The following USF3 variants were observed in gnomAD, a reference collection of about 807,000 sequenced individuals.
USF3 encodes upstream transcription factor family member 3.
In USF3, 29 loss-of-function variants were observed where a neutral mutation model predicts 157.5. The observed-to-expected ratio is 0.18, with a 90% CI of 0.14 to 0.25. The LOEUF is 0.25. USF3 is among the 10% of genes least tolerant of loss of function. The pLI is 1.00. For synonymous variants in USF3, 893 were observed against 941.4 expected (o/e 0.95, Z 0.94); for missense variants, 2,381 against 2,667.6 (o/e 0.89, Z 2.37).
At chr3:113,687,842 A>G (rs1707593459) in intron 1 of USF3, among the ~76,000 whole-genome samples, 1 of 152,250 alleles carries the variant, frequency 6.6e-6, no homozygotes, top group East Asian at 1.9e-4. Flanking sequence ...CCAAGGGCTT[A>G]GCACAATACA....
rs1379901349 is a variant in USF3, at chr3:113,658,955, G to C, written c.2727C>G (p.Ser909=). ...GTTGTAGATTAGGGGTAGAATCTTTGGATTTTGCTGCGGCCATTGCAAAAT... is the reference window on the plus strand; with the variant it reads ...GTTGTAGATTAGGGGTAGAATCTTTCGATTTTGCTGCGGCCATTGCAAAAT... The part of the protein sequence containing the change: ...SEHFAMAAAK[S]KDSTPNLQQE... Residue 909 remains serine, a synonymous_variant, in exon 7 of 7, where the codon TCC becomes TCG. Coordinates refer to ENST00000316407, the MANE Select transcript of USF3 (RefSeq NM_001009899.4). 10 of 1,614,022 alleles carry C rather than the reference G, an allele frequency of 6.2e-6. No individual in the cohort carries two copies. The highest frequency in any genetic ancestry group is 8.5e-6 in the Non-Finnish European group (10 of 1,180,034).
At chr3:113,674,762 T>C (rs1016310128) in intron 3 of USF3, 70 bp downstream of exon 3, 15 of 1,251,258 alleles carry the variant, frequency 1.2e-5, no homozygotes, top group Non-Finnish European at 1.6e-5. Flanking sequence ...ACTACCTATG[T>C]AGCAAAATAG....
rs752290845 is a variant in USF3, at chr3:113,660,433, T to C, written c.1249A>G (p.Ile417Val). Residue 417 changes from isoleucine (I) to valine (V), a missense_variant, in exon 7 of 7, where the codon ATT becomes GTT. By Grantham distance (29) the Ile-to-Val change is conservative. Transcript: ENST00000316407. Reference protein sequence around the residue: ...SSVSTSDLKNINSLTRISSAG... With the variant: ...SSVSTSDLKNVNSLTRISSAG... ...GAAGAGATTCGTGTAAGGCTATTAA[T>C]GTTTTTCAAATCTGAAGTACTAACA... 6.2e-7 allele frequency: 1 copy of C among 1,614,190 alleles called. No homozygotes were observed. Among genetic ancestry groups the C allele is most frequent in the Non-Finnish European group, 8.5e-7 (1 of 1,180,012 alleles).
chr3:113,675,318 C>T (rs978460396), intron 2 of USF3, among the ~76,000 whole-genome samples: 2 of 151,368 alleles, frequency 1.3e-5, no homozygotes, highest in African/African-American at 4.9e-5. Flanking sequence ...ACTCTGAACA[C>T]AAAAAAAACA....
intron 1 of USF3, among the ~76,000 whole-genome samples, chr3:113,691,754 A>T (rs964815231): frequency 1.3e-5 from 2 of 152,110 alleles, no homozygotes; most frequent in African/African-American, 4.8e-5. Context: ...AGCCAAATTC[A>T]ATCTCTATTG....
chr3:113,667,564 C>T (rs1342136190), intron 5 of USF3, among the ~76,000 whole-genome samples: 4 of 152,122 alleles, frequency 2.6e-5, no homozygotes, highest in African/African-American at 9.7e-5. Flanking sequence ...ACAGAAAGCA[C>T]AATTTTTAAA....
chr3:113,692,349 T>G (rs13080660), intron 1 of USF3, among the ~76,000 whole-genome samples: 1 of 152,194 alleles, frequency 6.6e-6, no homozygotes, highest in African/African-American at 2.4e-5. Context: ...CATTACTGAG[T>G]GCTAATTATT....
chr3:113,664,939 T>C (rs1480274114), intron 5 of USF3, among the ~76,000 whole-genome samples: 1 of 152,190 alleles, frequency 6.6e-6, no homozygotes, highest in African/African-American at 2.4e-5. Context: ...GGAAGTGGGT[T>C]ATCACCAGGA....
chr3:113,690,855 T>C (rs1170287296), intron 1 of USF3, among the ~76,000 whole-genome samples: 1 of 152,188 alleles, frequency 6.6e-6, no homozygotes, highest in Non-Finnish European at 1.5e-5. Context: ...CATATATTAT[T>C]AATCCCTCCT....
At chr3:113,681,921 A>G (rs1371940399) in intron 1 of USF3, among the ~76,000 whole-genome samples, 1 of 151,844 alleles carries the variant, frequency 6.6e-6, no homozygotes, top group East Asian at 1.9e-4. Flanking sequence ...GGGTTTCACC[A>G]TGTTGGCCAG....
At chr3:113,666,248 C>CTTTTTTTT (rs1232834885) in intron 5 of USF3, among the ~76,000 whole-genome samples, 9 of 101,756 alleles carry the variant, frequency 8.8e-5, no homozygotes, top group Admixed American at 2.3e-4. Context: ...AGACATCTTT[C>CTTTTTTTT]TTTTTTTTTT....
intron 3 of USF3, among the ~76,000 whole-genome samples, chr3:113,673,779 C>T (rs900148221): frequency 2.0e-5 from 3 of 152,164 alleles, no homozygotes; most frequent in Admixed American, 2.0e-4. Context: ...TGTGCGTGTG[C>T]AGGAGACACA....
Position 113,656,007 on chromosome 3 carries a change from G to T in USF3, c.5675C>A (p.Thr1892Asn). The T allele has an allele frequency of 6.2e-7, 1 of 1,614,158 alleles. No homozygotes were observed. Among genetic ancestry groups the T allele is most frequent in the South Asian group, 1.1e-5 (1 of 91,078 alleles). Residue 1892 changes from threonine (T) to asparagine (N), a missense_variant, in exon 7 of 7, where the codon ACC becomes AAC. Thr to Asn is a moderately conservative substitution (Grantham distance 65). Coordinates refer to ENST00000316407, the MANE Select transcript of USF3 (RefSeq NM_001009899.4). ...GGAACTTGAAAAAGGAATATTCAAG[G>T]TGCTGTTCCTGGTGTTAATTGCACC... ...SLGAINTRNS[T>N]LNIPFSSSSS...
chr3:113,670,279 G>A, intron 4 of USF3, 76 bp from the exon 5 acceptor site: 2 of 840,116 alleles, frequency 2.4e-6, no homozygotes, highest in South Asian at 2.7e-5. Flanking sequence ...CGGTAAAGAA[G>A]TTTTAGGTAA....
Position 113,665,264 on chromosome 3 carries a change from T to C in USF3, c.160-855A>G, listed in dbSNP as rs896615606. ...GGTAAGGAGGTGAGCGGAGCTACAG[T>C]GGAGTACATGTGGGAAGAGTAGTAG... is the stretch of plus-strand genomic sequence containing the variant. On this transcript the variant is annotated intron_variant, in intron 5 of 6. Coordinates refer to ENST00000316407, the MANE Select transcript of USF3 (RefSeq NM_001009899.4). Among the ~76,000 whole-genome samples, 7 of 152,228 alleles carry C rather than the reference T, an allele frequency of 4.6e-5. No individual in the cohort carries two copies. In the South Asian group the frequency reaches 6.2e-4, roughly 14 times the overall value.
chr3:113,660,844 A>C lies in USF3; in HGVS notation c.838T>G (p.Ser280Ala). Residue 280 changes from serine (S) to alanine (A), a missense_variant, in exon 7 of 7, where the codon TCT becomes GCT. Transcript: ENST00000316407. ...TCTTGTCCATTCTTATTTTCAGAAG[A>C]ATTTTGATCATTTAGGCATGTGTGC... ...SLHTCLNDQN[S>A]SENKNGQENP... 6.2e-7 allele frequency: 1 copy of C among 1,614,126 alleles called. No homozygotes were observed. Among genetic ancestry groups the C allele is most frequent in the Non-Finnish European group, 8.5e-7 (1 of 1,180,010 alleles).
chr3:113,651,563 C>T lies in USF3; in HGVS notation c.*3381G>A, dbSNP rs1331783577. 6.6e-6 allele frequency: 1 copy of T among 152,182 alleles called. No individual in the cohort carries two copies. Among genetic ancestry groups the T allele is most frequent in the African/African-American group, 2.4e-5 (1 of 41,442 alleles). The allele number at this position is 152,182 out of a possible 1,614,324, so 9.4% of individuals were successfully genotyped here. A position where few individuals can be genotyped will look rare whatever the true frequency, so the allele number is the denominator to read the frequency against. On this transcript the variant is annotated 3_prime_UTR_variant, in exon 7 of 7. Transcript: ENST00000316407. ...GACTATGTTTTCTGCCATCCCTTTA[C>T]CAAAAATTATATCCAAATTAACACT...
Position 113,659,813 on chromosome 3 carries a change from T to C in USF3, c.1869A>G (p.Pro623=), listed in dbSNP as rs755087902. The change falls in exon 7 of 7, where the codon CCA becomes CCG. Residue 623 remains proline, a synonymous_variant. Coordinates refer to ENST00000316407, the MANE Select transcript of USF3 (RefSeq NM_001009899.4). ...GCTTTCCTCCAAAAGTCTGTGGTGT[T>C]GGAACATTTTGCACTGAATTATTAG... The part of the protein sequence containing the change: ...IGSNNSVQNV[P]TPQTFGGKHL... 1.2e-6 allele frequency: 2 copies of C among 1,614,230 alleles called. No homozygotes were observed. The highest frequency in any genetic ancestry group is 1.1e-5 in the South Asian group (1 of 91,086).
At chr3:113,681,356 CTG>C (rs552758085) in intron 1 of USF3, among the ~76,000 whole-genome samples, 62 of 152,170 alleles carry the variant, frequency 4.1e-4, no homozygotes, top group African/African-American at 1.4e-3. Context: ...GTTTTGTATG[CTG>C]TGTTTCCATT....
Sources: allele counts gnomAD v4.1 joint callset (sites outside exome capture counted in the v4.1 genomes callset), GRCh38; gene constraint gnomAD v4.1.1; transcripts MANE v1.5; gene names NCBI Gene and HGNC (gene_info 2026-07-23, HGNC 2026-07-21).